Variants in PC observed in about 807,000 individuals in gnomAD.
The protein encoded by PC is pyruvate carboxylase.
Under a neutral mutation model 107.8 loss-of-function variants are expected in PC, and 46 were observed. The observed-to-expected ratio is 0.43, with a 90% CI of 0.34 to 0.55. The LOEUF is 0.55. Ranked by LOEUF, PC falls within the 20% of genes least tolerant of loss-of-function variation. PC has a pLI of 0.04. For missense variants in PC, 1,241 were observed against 1,643.1 expected (o/e 0.76, Z 4.23); for synonymous variants, 662 against 684.7 (o/e 0.97, Z 0.52).
chr11:66,858,500 C>A lies in PC; in HGVS notation c.1369-5117G>T. 6.5e-7 allele frequency: 1 copy of A among 1,537,658 alleles called. No homozygotes were observed. Among genetic ancestry groups the A allele is most frequent in the African/African-American group, 1.4e-5 (1 of 73,244 alleles). ...GGCTGCGGCGGCTGGCGCGGCCGGA[C>A]GACCTGGAAACGTGCGCCTCCCCGC... On this transcript the variant is annotated intron_variant, in intron 12 of 22. Coordinates refer to ENST00000393960, the MANE Select transcript of PC (RefSeq NM_001040716.2). The surrounding 1 kb of genome is among the most constrained non-coding windows in gnomAD (Gnocchi z 5.9).
chr11:66,951,847 G>A (rs1304888486), intron 3 of PC, among the ~76,000 whole-genome samples: 4 of 150,166 alleles, frequency 2.7e-5, no homozygotes, highest in Non-Finnish European at 4.4e-5. Flanking sequence ...CCGAGCTTGC[G>A]CCACTGCACT....
chr11:66,956,430 C>G (rs1326309501), intron 1 of PC, among the ~76,000 whole-genome samples: 1 of 151,964 alleles, frequency 6.6e-6, no homozygotes, highest in African/African-American at 2.4e-5. Flanking sequence ...ACTAAAAATA[C>G]AAAAAATAGC....
At position 66,871,211 on chromosome 11, in the gene PC, G is replaced by T; in HGVS notation, c.488-14C>A. The T allele has an allele frequency of 1.2e-6, 2 of 1,612,814 alleles. No homozygotes were observed. Among genetic ancestry groups the T allele is most frequent in the South Asian group, 2.2e-5 (2 of 91,006 alleles). Reference sequence around the variant, plus strand: ...CAACGGGAACACCTGTTGGGAGAAAGGTGTGGGGGAGTCTCTGTAACAGGC... The same window carrying T: ...CAACGGGAACACCTGTTGGGAGAAATGTGTGGGGGAGTCTCTGTAACAGGC... On this transcript the variant is annotated splice_polypyrimidine_tract_variant and intron_variant, in intron 6 of 22. Transcript: ENST00000393960. The surrounding 1 kb of genome is among the most constrained non-coding windows in gnomAD (Gnocchi z 7.4).
chr11:66,859,238 G>GTGGCC (rs1267996805), intron 12 of PC: 8 of 1,183,036 alleles, frequency 6.8e-6, no homozygotes, highest in South Asian at 1.8e-5. Flanking sequence ...TGGAGGAGCA[G>GTGGCC]TGGCCTGGCC....
chr11:66,904,807 C>CGGCA (rs1199913792), intron 3 of PC, among the ~76,000 whole-genome samples: 2 of 152,232 alleles, frequency 1.3e-5, no homozygotes, highest in African/African-American at 4.8e-5. Context: ...TTAAGAGGAA[C>CGGCA]GGCATTAAGA....
chr11:66,856,216 C>A (rs1027743809), intron 12 of PC, among the ~76,000 whole-genome samples: 1 of 152,268 alleles, frequency 6.6e-6, no homozygotes, highest in Non-Finnish European at 1.5e-5. Context: ...GGCCCGGCGG[C>A]GACAGAGCGG....
chr11:66,900,113 A>G (rs978111359), intron 3 of PC, among the ~76,000 whole-genome samples: 5 of 150,690 alleles, frequency 3.3e-5, no homozygotes, highest in Admixed American at 1.3e-4. Flanking sequence ...CTATATGTCT[A>G]TCCTTACACC....
intron 3 of PC, among the ~76,000 whole-genome samples, chr11:66,891,384 GTTTGT>G (rs901407952): frequency 1.1e-4 from 16 of 149,176 alleles, no homozygotes; most frequent in Admixed American, 6.7e-4. Flanking sequence ...TTTGTTTTTT[GTTTGT>G]TTTGTTTTGT....
At chr11:66,865,290 A>C (rs1428966215) in intron 11 of PC, among the ~76,000 whole-genome samples, 1 of 152,070 alleles carries the variant, frequency 6.6e-6, no homozygotes. Flanking sequence ...TGCTCCCCTC[A>C]CCGCCCCACA....
chr11:66,895,580 C>T (rs1037849295), intron 3 of PC, among the ~76,000 whole-genome samples: 12 of 152,140 alleles, frequency 7.9e-5, no homozygotes, highest in African/African-American at 2.7e-4. Context: ...TTTAAAGAAC[C>T]ATTTGGGGAG....
intron 3 of PC, among the ~76,000 whole-genome samples, chr11:66,923,566 A>C (rs1948644232): frequency 6.6e-6 from 1 of 150,452 alleles, no homozygotes; most frequent in South Asian, 2.2e-4. Context: ...GCTGGAGCGT[A>C]GTAGTGGCGC....
At chr11:66,913,538 T>C (rs1224685979) in intron 3 of PC, among the ~76,000 whole-genome samples, 2 of 151,572 alleles carry the variant, frequency 1.3e-5, no homozygotes, top group Admixed American at 6.6e-5. Flanking sequence ...CGGGCGTGCC[T>C]GTAATCCCAG....
At chr11:66,955,353 G>T (rs766452626) in intron 1 of PC, among the ~76,000 whole-genome samples, 1 of 152,196 alleles carries the variant, frequency 6.6e-6, no homozygotes, top group Admixed American at 6.6e-5. Flanking sequence ...GGCACTGGAA[G>T]TGAGACCGGG....
At chr11:66,950,214 C>G (rs1565307495) in intron 3 of PC, among the ~76,000 whole-genome samples, 2 of 152,066 alleles carry the variant, frequency 1.3e-5, no homozygotes, top group African/African-American at 4.8e-5. Context: ...ACACACATCC[C>G]CAGAGACTAA....
chr11:66,914,138 G>A (rs1274954496), intron 3 of PC, among the ~76,000 whole-genome samples: 3 of 152,194 alleles, frequency 2.0e-5, no homozygotes, highest in African/African-American at 7.2e-5. Context: ...GGATAAAACA[G>A]GGTGGTCTGT....
intron 3 of PC, among the ~76,000 whole-genome samples, chr11:66,897,035 G>C (rs1220643411): frequency 6.6e-6 from 1 of 152,080 alleles, no homozygotes; most frequent in Non-Finnish European, 1.5e-5. Context: ...GGATTCAAGA[G>C]ATTCTCATGC....
At position 66,858,586 on chromosome 11, in the gene PC, C is replaced by T; in HGVS notation, c.1368+5188G>A. 6.5e-7 allele frequency: 1 copy of T among 1,533,224 alleles called. No individual in the cohort carries two copies. The highest frequency in any genetic ancestry group is 8.7e-7 in the Non-Finnish European group (1 of 1,143,634). 95.0% of individuals were successfully genotyped at this position (1,533,224 alleles called of 1,614,324 possible). ...GAGGGCGAGTTCTCCTGTGAGCCGC[C>T]CCTCATTGCCCGCCACACGCAGCGC... On this transcript the variant is annotated intron_variant, in intron 12 of 22. Coordinates refer to ENST00000393960, the MANE Select transcript of PC (RefSeq NM_001040716.2). The surrounding 1 kb of genome is among the most constrained non-coding windows in gnomAD (Gnocchi z 5.9).
intron 3 of PC, among the ~76,000 whole-genome samples, chr11:66,910,116 G>A (rs540708382): frequency 4.6e-5 from 7 of 152,292 alleles, no homozygotes; most frequent in Admixed American, 4.6e-4. Context: ...CAAGCGGGGG[G>A]AGTAAGTGTC....
chr11:66,885,085 A>G (rs1947313054), intron 3 of PC, among the ~76,000 whole-genome samples: 1 of 152,294 alleles, frequency 6.6e-6, no homozygotes, highest in African/African-American at 2.4e-5. Context: ...GGACTTCGGG[A>G]CCTGTCAAGC....
Sources: gnomAD v4.1 joint callset for allele counts (sites outside exome capture counted in the v4.1 genomes callset) on GRCh38, gnomAD v4.1.1 for gene constraint, Gnocchi (gnomAD v3.1) non-coding constraint, MANE v1.5 for transcripts, NCBI Gene and HGNC (gene_info 2026-07-23, HGNC 2026-07-21) for gene names.